Variants in ZNF846 observed in about 807,000 individuals in gnomAD.
The protein encoded by ZNF846 is zinc finger protein 420 pseudogene.
In ZNF846, 15 loss-of-function variants were observed where a neutral mutation model predicts 16.0. That is an observed-to-expected ratio of 0.94 (90% CI 0.63 to 1.45). ZNF846 has a LOEUF of 1.45. Ranked by LOEUF, ZNF846 falls within the 40% of genes most tolerant of loss-of-function variation. ZNF846 has a pLI of 0.00. For synonymous variants in ZNF846, 229 were observed against 212.0 expected (o/e 1.08, Z -0.70); for missense variants, 714 against 622.3 (o/e 1.15, Z -1.57).
At chr19:9,756,793 G>C (rs1458475965), downstream of ZNF846, 1 of 118,184 alleles carries the variant, frequency 8.5e-6, no homozygotes, top group Non-Finnish European at 2.0e-5. Flanking sequence ...ACATACAGAG[G>C]GTTTTTCTCC....
At chr19:9,758,111 G>A (rs2145194937) in exon 6 of ZNF846, 1 of 1,613,576 alleles carries the variant, frequency 6.2e-7, no homozygotes, top group Middle Eastern at 1.6e-4. Context: ...TAAGTCCTGT[G>A]GATCTAGTGA....
Position 9,758,308 on chromosome 19 carries a change from T to A in ZNF846, c.769A>T (p.Lys257Ter), listed in dbSNP as rs1351451587. The change falls in exon 6 of 6, where the codon AAA (lysine) becomes TAA (stop). Residue 257 changes from lysine (K) to a stop codon, truncating the protein, a stop_gained. Transcript: ENST00000397902. LOFTEE classifies it low-confidence loss of function (END_TRUNC). ...TGAGTGAAAGCTTTACCACATTCTT[T>A]ACAGACATAGGGCTTCTCTCCACTG... is the stretch of plus-strand genomic sequence containing the variant. The A allele has an allele frequency of 4.3e-6, 7 of 1,613,456 alleles. No homozygotes were observed. Among genetic ancestry groups the A allele is most frequent in the African/African-American group, 1.3e-5 (1 of 74,446 alleles).
chr19:9,774,387 G>A (rs1026053066), intron 1 of ZNF846: 5 of 541,234 alleles, frequency 9.2e-6, no homozygotes, highest in South Asian at 8.0e-5. Context: ...AGAATGGCGT[G>A]AACCCGGGAG....
chr19:9,781,210 C>T (rs1407829769), intron 1 of ZNF846, among the ~76,000 whole-genome samples: 1 of 152,216 alleles, frequency 6.6e-6, no homozygotes, highest in Admixed American at 6.5e-5. Context: ...ACTGCAACCT[C>T]TGCCTCCCAG....
At chr19:9,767,723 T>A (rs1463183955) in intron 1 of ZNF846, among the ~76,000 whole-genome samples, 1 of 151,908 alleles carries the variant, frequency 6.6e-6, no homozygotes, top group Non-Finnish European at 1.5e-5. Flanking sequence ...GATCACGAGG[T>A]CAGGAGTTCG....
chr19:9,764,368 G>A (rs962529944), intron 2 of ZNF846, among the ~76,000 whole-genome samples: 1 of 152,148 alleles, frequency 6.6e-6, no homozygotes, highest in Non-Finnish European at 1.5e-5. Context: ...TTGTGTTTCT[G>A]TTTTAAGGCT....
At chr19:9,754,455 T>C (rs2145168715), downstream of ZNF846, among the ~76,000 whole-genome samples, 2 of 149,424 alleles carry the variant, frequency 1.3e-5, no homozygotes, top group East Asian at 3.9e-4. Flanking sequence ...TCCTATCTAC[T>C]CAGGAGGCTG....
chr19:9,770,481 T>TC (rs535340292), upstream of ZNF846, among the ~76,000 whole-genome samples: 3 of 89,796 alleles, frequency 3.3e-5, no homozygotes, highest in African/African-American at 1.6e-4. Context: ...GGGTTTTCTC[T>TC]TTTTTTTTTT....
downstream of ZNF846, among the ~76,000 whole-genome samples, chr19:9,755,799 C>CAAAA (rs538572391): frequency 2.8e-3 from 70 of 24,698 alleles, 3 homozygotes; most frequent in African/African-American, 6.2e-3. Context: ...GACTCCGTCT[C>CAAAA]AAAAAAAAAA....
intron 5 of ZNF846, 113 bp from the exon 6 acceptor site, chr19:9,758,877 T>C: frequency 2.2e-6 from 2 of 917,376 alleles, no homozygotes; most frequent in East Asian, 2.7e-5. Context: ...TTTTAACATA[T>C]CCATTATATG....
At chr19:9,757,931 A>G (rs1024197611) in exon 6 of ZNF846, 1 of 1,613,578 alleles carries the variant, frequency 6.2e-7, no homozygotes. Context: ...TCATGTGTAA[A>G]ACAAGTCCTG....
downstream of ZNF846, among the ~76,000 whole-genome samples, chr19:9,748,685 T>C (rs1487415866): frequency 1.3e-5 from 2 of 148,658 alleles, no homozygotes; most frequent in Non-Finnish European, 3.0e-5. Flanking sequence ...AAAACATACC[T>C]CACCAAGCTC....
chr19:9,770,914 C>A (rs2045384704), upstream of ZNF846, among the ~76,000 whole-genome samples: 1 of 151,746 alleles, frequency 6.6e-6, no homozygotes, highest in South Asian at 2.1e-4. Flanking sequence ...AAAATAAAAC[C>A]TAGAAAAAGA....
At chr19:9,767,464 CAAAG>C (rs1177171560) in intron 1 of ZNF846, among the ~76,000 whole-genome samples, 1 of 151,994 alleles carries the variant, frequency 6.6e-6, no homozygotes, top group Non-Finnish European at 1.5e-5. Flanking sequence ...ACAAGAGATG[CAAAG>C]AAACAGAAAA....
In ZNF846 at chr19:9,760,773, G is replaced by A. The variant is rs755664891; in HGVS notation, c.230-831C>T. 4.4e-4 allele frequency among the ~76,000 whole-genome samples: 67 copies of A among 151,432 alleles called. 1 individual carries two copies. Among genetic ancestry groups the A allele is most frequent in the Non-Finnish European group, 2.8e-4 (19 of 68,020 alleles). ...GAAGCTAGAGAGAAAAGGTTACATT[G>A]TATGATTCCATTTATATAAGATATA... On this transcript the variant is annotated intron_variant, in intron 4 of 5. Coordinates refer to ENST00000397902, the Ensembl canonical transcript of ZNF846.
At chr19:9,772,901 C>G (rs2045400783), upstream of ZNF846, among the ~76,000 whole-genome samples, 1 of 151,746 alleles carries the variant, frequency 6.6e-6, no homozygotes, top group Admixed American at 6.6e-5. Context: ...CATGTTGAAA[C>G]CCCATCTCTA....
At chr19:9,774,645 C>T (rs2045419622) in intron 1 of ZNF846, 2 of 1,444,628 alleles carry the variant, frequency 1.4e-6, no homozygotes, top group African/African-American at 1.4e-5. Flanking sequence ...GATTAGGTGA[C>T]CTTCAGAATC....
chr19:9,785,530 CGTCTCTCGCTCACGGAGTCCCCGCCCCT>C (rs1421434037), intron 1 of ZNF846, among the ~76,000 whole-genome samples: 1 of 144,426 alleles, frequency 6.9e-6, no homozygotes, highest in Non-Finnish European at 1.5e-5. Flanking sequence ...TCCCCGCCCC[CGTCTCTCGCTCACGGAGTCCCCGCCCCT>C]GTCTCAACCA....
intron 1 of ZNF846, among the ~76,000 whole-genome samples, chr19:9,767,392 C>G (rs2045333633): frequency 6.6e-6 from 1 of 151,940 alleles, no homozygotes; most frequent in Non-Finnish European, 1.5e-5. Flanking sequence ...ACCTCGGCCT[C>G]CCAAAGTGCC....
Sources: allele counts gnomAD v4.1 joint callset (sites outside exome capture counted in the v4.1 genomes callset), GRCh38; gene constraint gnomAD v4.1.1; transcripts MANE v1.5; gene names NCBI Gene and HGNC (gene_info 2026-07-23, HGNC 2026-07-21).